Variants in MROH1 observed in about 807,000 individuals in gnomAD.
The protein encoded by MROH1 is maestro heat like repeat family member 1.
In MROH1, 117 loss-of-function variants were observed where a neutral mutation model predicts 116.5. The observed-to-expected ratio is 1.00, with a 90% CI of 0.86 to 1.17. The LOEUF is 1.17. Ranked by LOEUF, MROH1 falls within the 50% of genes most tolerant of loss-of-function variation. The probability of loss-of-function intolerance (pLI) is 0.00; values close to 1 mark genes in which losing one functional copy is unlikely to be tolerated. For missense variants in MROH1, 1,873 were observed against 1,338.5 expected (o/e 1.40, Z -6.23); for synonymous variants, 921 against 583.9 (o/e 1.58, Z -8.32).
In MROH1 at chr8:144,180,471, G is replaced by T; in HGVS notation, c.510G>T (p.Leu170=). 3 of 1,612,668 alleles carry T rather than the reference G, an allele frequency of 1.9e-6. No individual in the cohort carries two copies. Among genetic ancestry groups the T allele is most frequent in the Non-Finnish European group, 1.7e-6 (2 of 1,179,838 alleles). ...PFLPSVLSSL[L]PVLGVAKQDT... is the part of the protein sequence containing the mutation. The stretch of plus-strand genomic sequence containing the variant: ...TGCCATCCGTCCTGAGCTCCCTGCT[G>T]CCCGTGCTGGGCGTGGCCAAGCAGG... Residue 170 remains leucine, a synonymous_variant, in exon 7 of 44, where the codon CTG becomes CTT. Transcript: ENST00000326134. The surrounding 1 kb of genome is among the most constrained non-coding windows in gnomAD (Gnocchi z 7.4).
intron 14 of MROH1, among the ~76,000 whole-genome samples, chr8:144,237,059 C>T (rs1033281832): frequency 5.9e-5 from 9 of 151,774 alleles, no homozygotes; most frequent in African/African-American, 2.2e-4. Flanking sequence ...GCGCCCGCCA[C>T]CACGCCCGGC....
chr8:144,210,417 T>A lies in MROH1; in HGVS notation c.1141+9876T>A, dbSNP rs1833847461. Among the ~76,000 whole-genome samples the A allele has an allele frequency of 2.6e-5, 4 of 151,822 alleles. No individual in the cohort carries two copies. The South Asian group carries it at 8.3e-4, about 32-fold the overall frequency. On this transcript the variant is annotated intron_variant, in intron 12 of 43. Transcript: ENST00000326134. Reference sequence around the variant, plus strand: ...TACGCCACTGCATAAACAGGCCCTGTGCGGTGGCTCACACCTGTAATCCCA... The same window carrying A: ...TACGCCACTGCATAAACAGGCCCTGAGCGGTGGCTCACACCTGTAATCCCA...
chr8:144,234,891 C>CTTTT lies in MROH1; in HGVS notation c.1339-3849_1339-3846dup, dbSNP rs781998549. Among the ~76,000 whole-genome samples the CTTTT allele has an allele frequency of 2.9e-3, 299 of 103,498 alleles. 8 individuals are homozygous for CTTTT. Among genetic ancestry groups the CTTTT allele is most frequent in the African/African-American group, 3.9e-3 (101 of 26,038 alleles). 67.9% of individuals were successfully genotyped at this position (103,498 alleles called of 152,430 possible). Reference sequence around the variant, plus strand: ...AGAAAAACAATTATCCTTTTTCTTTCTTTTTTTTTTTTTTTTTTTGAGACA... The same window carrying CTTTT: ...AGAAAAACAATTATCCTTTTTCTTTCTTTTTTTTTTTTTTTTTTTTTTTGAGACA... On this transcript the variant is annotated intron_variant, in intron 14 of 43. Transcript: ENST00000326134.
chr8:144,196,238 C>T (rs141266942), intron 10 of MROH1, among the ~76,000 whole-genome samples: 40 of 148,574 alleles, frequency 2.7e-4, no homozygotes, highest in South Asian at 1.3e-3. Flanking sequence ...TGCATTGAGC[C>T]GAGATTGCGC....
Position 144,179,081 on chromosome 8 carries a change from C to T in MROH1, c.169-374C>T, listed in dbSNP as rs376221448. Among the ~76,000 whole-genome samples, 27 of 152,144 alleles carry T rather than the reference C, an allele frequency of 1.8e-4. 1 individual carries two copies. The highest frequency in any genetic ancestry group is 9.7e-4 in the East Asian group (5 of 5,180). On this transcript the variant is annotated intron_variant, in intron 4 of 43. Transcript: ENST00000326134. Reference sequence around the variant, plus strand: ...TAGCGGCAGAGACTGAGGCCATGACCACTGAGCTGGGGACAGGAGTGTGCT... The same window carrying T: ...TAGCGGCAGAGACTGAGGCCATGACTACTGAGCTGGGGACAGGAGTGTGCT...
intron 12 of MROH1, among the ~76,000 whole-genome samples, chr8:144,220,328 G>A (rs534719677): frequency 3.7e-4 from 56 of 152,308 alleles, no homozygotes; most frequent in African/African-American, 1.3e-3. Flanking sequence ...GAACTTCCCC[G>A]GCGTTGGAAC....
At chr8:144,159,553 G>T (rs1818978037) in intron 1 of MROH1, among the ~76,000 whole-genome samples, 1 of 152,148 alleles carries the variant, frequency 6.6e-6, no homozygotes, top group African/African-American at 2.4e-5. Context: ...ACTAATGCCA[G>T]CCATGTTTTT....
intron 14 of MROH1, among the ~76,000 whole-genome samples, chr8:144,234,172 G>A (rs1219801378): frequency 1.3e-5 from 2 of 152,002 alleles, no homozygotes; most frequent in Non-Finnish European, 2.9e-5. Flanking sequence ...ACCACGCCCC[G>A]CTAATTTTTT....
intron 7 of MROH1, among the ~76,000 whole-genome samples, chr8:144,183,721 A>G (rs982101829): frequency 1.3e-5 from 2 of 151,438 alleles, no homozygotes; most frequent in African/African-American, 4.9e-5. Flanking sequence ...ATCTCGGCTC[A>G]CTGCAAGCTC....
chr8:144,217,344 TG>T (rs1835496700), intron 12 of MROH1, among the ~76,000 whole-genome samples: 1 of 152,222 alleles, frequency 6.6e-6, no homozygotes, highest in Non-Finnish European at 1.5e-5. Flanking sequence ...AGGCTATATG[TG>T]TACGGTGTAT....
chr8:144,259,796 CCA>C, intron 37 of MROH1, 113 bp from the exon 38 acceptor site: 1 of 699,684 alleles, frequency 1.4e-6, no homozygotes, highest in Non-Finnish European at 2.6e-6. Context: ...AGTAGGTGCT[CCA>C]CCTCTGTCTG....
In MROH1 at chr8:144,255,630, T is replaced by C. The variant is rs1843598756; in HGVS notation, c.3716T>C (p.Leu1239Pro). ...LRVSCTVGVQ[L>P]PRNLQAQERR... ...GTCAGCTGCACCGTGGGTGTCCAGC[T>C]GCCCCGGAACCTGCAGGCCCAGGAA... is the stretch of plus-strand genomic sequence containing the variant. The change falls in exon 35 of 44, where the codon CTG becomes CCG. Residue 1239 changes from leucine (L) to proline (P), a missense_variant. Coordinates refer to ENST00000326134, the MANE Select transcript of MROH1 (RefSeq NM_032450.3). 1.3e-6 allele frequency: 1 copy of C among 775,672 alleles called. No homozygotes were observed. The highest frequency in any genetic ancestry group is 2.4e-6 in the Non-Finnish European group (1 of 416,536). The allele number at this position is 775,672 out of a possible 1,614,324, so 48.0% of individuals were successfully genotyped here.
chr8:144,217,067 C>G (rs903333218), intron 12 of MROH1, among the ~76,000 whole-genome samples: 1 of 152,092 alleles, frequency 6.6e-6, no homozygotes. Flanking sequence ...TGCCAGTAAT[C>G]CCTGCGTTTT....
chr8:144,236,190 T>C (rs1328447513), intron 14 of MROH1, among the ~76,000 whole-genome samples: 2 of 152,160 alleles, frequency 1.3e-5, no homozygotes, highest in Non-Finnish European at 1.5e-5. Context: ...ATAGCTCAGG[T>C]ATGGTGGTGT....
chr8:144,241,075 G>A lies in MROH1; in HGVS notation c.2019G>A (p.Leu673=), dbSNP rs1840890849. 3 of 774,636 alleles carry A rather than the reference G, an allele frequency of 3.9e-6. No homozygotes were observed. Among genetic ancestry groups the A allele is most frequent in the Admixed American group, 3.4e-5 (2 of 58,200 alleles). The allele number at this position is 774,636 out of a possible 1,614,324, so 48.0% of individuals were successfully genotyped here. A position where few individuals can be genotyped will look rare whatever the true frequency, so the allele number is the denominator to read the frequency against. ...EVVRKHLQEL[L]ETARYQEEAE... Reference sequence around the variant, plus strand: ...TGAGGAAGCACCTTCAAGAGCTGCTGGAGACGGCCAGATACCAGGAGGAGG... The same window carrying A: ...TGAGGAAGCACCTTCAAGAGCTGCTAGAGACGGCCAGATACCAGGAGGAGG... The change falls in exon 21 of 44, where the codon CTG becomes CTA. Residue 673 remains leucine, a synonymous_variant. Transcript: ENST00000326134.
intron 1 of MROH1, among the ~76,000 whole-genome samples, chr8:144,150,292 G>T (rs1816398921): frequency 6.6e-6 from 1 of 152,210 alleles, no homozygotes; most frequent in African/African-American, 2.4e-5. Context: ...AGAAATGTGT[G>T]CTATGTAGGG....
chr8:144,190,841 C>T lies in MROH1; in HGVS notation c.620C>T (p.Pro207Leu). 6.2e-7 allele frequency: 1 copy of T among 1,613,830 alleles called. No individual in the cohort carries two copies. The highest frequency in any genetic ancestry group is 8.5e-7 in the Non-Finnish European group (1 of 1,179,886). Reference protein sequence around the residue: ...LEYLANLDRAPDPTVRKDAFA... With the variant: ...LEYLANLDRALDPTVRKDAFA... ...TACCTAGCCAACCTGGACCGAGCCCCAGACCCCACGGTCAGGAAGGACGCC... is the reference window on the plus strand; with the variant it reads ...TACCTAGCCAACCTGGACCGAGCCCTAGACCCCACGGTCAGGAAGGACGCC... Residue 207 changes from proline to leucine, a missense_variant, in exon 8 of 44, where the codon CCA becomes CTA. By Grantham distance (98) the Pro-to-Leu change is moderately conservative. Transcript: ENST00000326134.
intron 13 of MROH1, among the ~76,000 whole-genome samples, chr8:144,220,980 G>A (rs909664127): frequency 3.3e-5 from 5 of 152,160 alleles, no homozygotes; most frequent in Admixed American, 2.0e-4. Flanking sequence ...TGCTCTGCTC[G>A]CGGTGATTGC....
Position 144,259,265 on chromosome 8 carries a change from C to G in MROH1, c.3955C>G (p.Arg1319Gly). ...ARAMAEHAGP[R>G]LPLVLKTLAC... ...GGCCATGGCTGAGCACGCAGGGCCC[C>G]GACTCCCCCTGGTGCTGAAGACGCT... is the stretch of plus-strand genomic sequence containing the variant. Residue 1319 changes from arginine to glycine, a missense_variant, in exon 37 of 44, where the codon CGA (arginine) becomes GGA (glycine). Transcript: ENST00000326134. 1 of 714,600 alleles carries G rather than the reference C, an allele frequency of 1.4e-6. No homozygotes were observed. The highest frequency in any genetic ancestry group is 2.7e-5 in the East Asian group (1 of 37,282). 44.3% of individuals were successfully genotyped at this position (714,600 alleles called of 1,614,324 possible).
Sources: allele counts gnomAD v4.1 joint callset (sites outside exome capture counted in the v4.1 genomes callset), GRCh38; gene constraint gnomAD v4.1.1; non-coding constraint Gnocchi (gnomAD v3.1); transcripts MANE v1.5; gene names NCBI Gene and HGNC (gene_info 2026-07-23, HGNC 2026-07-21).